Variants in SEL1L observed in about 807,000 individuals in gnomAD.
SEL1L encodes the protein protein sel-1 homolog 1.
SEL1L carries 52 observed loss-of-function variants against 109.8 expected under a neutral mutation model. The observed-to-expected ratio is 0.47, with a 90% CI of 0.38 to 0.60. The LOEUF (loss-of-function observed/expected upper bound fraction) is 0.60. Ranked by LOEUF, SEL1L falls within the 20% of genes least tolerant of loss-of-function variation. The pLI, the probability that SEL1L is intolerant of heterozygous loss-of-function variation, is 0.00. For synonymous variants in SEL1L, 373 were observed against 339.6 expected (o/e 1.10, Z -1.08); for missense variants, 749 against 962.2 (o/e 0.78, Z 2.93).
chr14:81,483,657 GTAAT>G (rs1903428138), intron 19 of SEL1L, among the ~76,000 whole-genome samples: 1 of 152,084 alleles, frequency 6.6e-6, no homozygotes, highest in African/African-American at 2.4e-5. Context: ...TATTTTAAGG[GTAAT>G]TAATTTTATT....
chr14:81,526,632 T>TA (rs1485589915), intron 3 of SEL1L, 101 bp downstream of exon 3: 1 of 839,752 alleles, frequency 1.2e-6, no homozygotes, highest in Non-Finnish European at 2.0e-6. Flanking sequence ...TTGTGGGTAA[T>TA]AATCAGTGAA....
At chr14:81,504,173 G>A in intron 5 of SEL1L, 28 bp downstream of exon 5, 1 of 1,401,080 alleles carries the variant, frequency 7.1e-7, no homozygotes, top group Non-Finnish European at 9.8e-7. Context: ...TGTCATGGGG[G>A]AAAAGTGGAC....
At chr14:81,487,345 G>A in intron 16 of SEL1L, 45 bp downstream of exon 16, 1 of 1,515,128 alleles carries the variant, frequency 6.6e-7, no homozygotes, top group African/African-American at 1.4e-5. Flanking sequence ...CTTTCCTGCT[G>A]GGCAAATCAA....
intron 3 of SEL1L, among the ~76,000 whole-genome samples, chr14:81,511,474 G>A (rs751724422): frequency 1.5e-4 from 23 of 152,208 alleles, no homozygotes; most frequent in African/African-American, 2.7e-4. Flanking sequence ...TTAAAGACAC[G>A]TGAGTTTTCA....
intron 3 of SEL1L, among the ~76,000 whole-genome samples, chr14:81,511,933 A>G (rs138440741): frequency 1.3e-5 from 2 of 152,234 alleles, no homozygotes; most frequent in African/African-American, 4.8e-5. Flanking sequence ...ATCTTTACCT[A>G]TCACTTCAAG....
At chr14:81,528,124 C>T (rs1885183165) in intron 1 of SEL1L, among the ~76,000 whole-genome samples, 1 of 152,164 alleles carries the variant, frequency 6.6e-6, no homozygotes, top group South Asian at 2.1e-4. Flanking sequence ...ATACTCCGGG[C>T]TTCCACCTAT....
In SEL1L at chr14:81,487,381, A is replaced by G. The variant is rs758927109; in HGVS notation, c.1632+9T>C. On this transcript the variant is annotated intron_variant, in intron 16 of 20. Transcript: ENST00000336735. ...CTCCCTACACACAAGCTGGTAGGAA[A>G]GACCTTACCTCCACTGCAGTGTGAC... is the stretch of plus-strand genomic sequence containing the variant. The G allele has an allele frequency of 1.3e-6, 2 of 1,562,214 alleles. No homozygotes were observed. The highest frequency in any genetic ancestry group is 2.4e-5 in the South Asian group (2 of 83,076).
At position 81,480,132 on chromosome 14, in the gene SEL1L, TC is replaced by T. The variant is rs1262743260; in HGVS notation, c.2047-393del. The stretch of plus-strand genomic sequence containing the variant: ...TGGTTTCAGTTCTGGACAGTGATCT[TC>T]AAAGTGGGGTAGAAACACTCAAGAT... On this transcript the variant is annotated intron_variant, in intron 19 of 20. Transcript: ENST00000336735. Among the ~76,000 whole-genome samples, 650 of 152,260 alleles carry T rather than the reference TC, an allele frequency of 4.3e-3. 6 individuals are homozygous for T. Among genetic ancestry groups the T allele is most frequent in the African/African-American group, 0.015 (628 of 41,560 alleles).
At chr14:81,509,451 T>A (rs1884374915) in intron 3 of SEL1L, among the ~76,000 whole-genome samples, 1 of 152,184 alleles carries the variant, frequency 6.6e-6, no homozygotes, top group South Asian at 2.1e-4. Flanking sequence ...AAAATTCACA[T>A]TTTCTAGGTA....
At chr14:81,481,228 A>C (rs1903347142) in intron 19 of SEL1L, among the ~76,000 whole-genome samples, 1 of 152,192 alleles carries the variant, frequency 6.6e-6, no homozygotes, top group Non-Finnish European at 1.5e-5. Context: ...TCACTTAAAA[A>C]TCTCACTTCT....
rs376433201 is a variant in SEL1L, at chr14:81,512,981, G to A, written c.341-6740C>T. On this transcript the variant is annotated intron_variant, in intron 3 of 20. Coordinates refer to ENST00000336735, the MANE Select transcript of SEL1L (RefSeq NM_005065.6). ...GGAAGGGTTCCCACTGAGAGGTGAAGCCAGCTGGGCTTCTGGGTCAGGTGG... is the reference window on the plus strand; with the variant it reads ...GGAAGGGTTCCCACTGAGAGGTGAAACCAGCTGGGCTTCTGGGTCAGGTGG... Among the ~76,000 whole-genome samples, 27 of 152,338 alleles carry A rather than the reference G, an allele frequency of 1.8e-4. No homozygotes were observed. The East Asian group carries it at 3.5e-3, about 20-fold the overall frequency.
At chr14:81,527,438 T>C (rs1431929435) in intron 2 of SEL1L, among the ~76,000 whole-genome samples, 4 of 146,662 alleles carry the variant, frequency 2.7e-5, no homozygotes, top group Admixed American at 6.8e-5. Flanking sequence ...TCTTCAAACT[T>C]ACACACACAC....
intron 6 of SEL1L, among the ~76,000 whole-genome samples, 171 bp from the exon 7 acceptor site, chr14:81,499,833 CAG>C (rs1409294777): frequency 1.3e-5 from 2 of 149,970 alleles, no homozygotes; most frequent in African/African-American, 4.9e-5. Flanking sequence ...GAAAAGCATT[CAG>C]AGTTTTACAC....
At chr14:81,514,542 G>C (rs1302140068) in intron 3 of SEL1L, among the ~76,000 whole-genome samples, 2 of 152,200 alleles carry the variant, frequency 1.3e-5, no homozygotes, top group East Asian at 1.9e-4. Flanking sequence ...AGGATTTTGA[G>C]AATGCGTTGG....
Position 81,484,230 on chromosome 14 carries a change from T to C in SEL1L, c.2041A>G (p.Lys681Glu). The C allele has an allele frequency of 1.2e-6, 2 of 1,608,196 alleles. No homozygotes were observed. The highest frequency in any genetic ancestry group is 2.7e-5 in the African/African-American group (2 of 74,994). The change falls in exon 19 of 21, where the codon AAA becomes GAA. Residue 681 changes from lysine (K) to glutamate (E), a missense_variant. By Grantham distance (56) the Lys-to-Glu change is moderately conservative. This residue lies in a region of SEL1L where 383 missense variants were observed against 562.5 expected (regional missense o/e 0.68). Transcript: ENST00000336735. Reference protein sequence around the residue: ...GYMHEKGLGIKQDIHLAKRFY... With the variant: ...GYMHEKGLGIEQDIHLAKRFY... ...TGTTTGGAAGCCACACTCACCTGTT[T>C]AATGCCCAGTCCTTTCTCATGCATA...
intron 6 of SEL1L, among the ~76,000 whole-genome samples, chr14:81,502,244 CTAATA>C (rs1341319425): frequency 2.6e-5 from 4 of 152,120 alleles, no homozygotes; most frequent in Admixed American, 6.5e-5. Flanking sequence ...TGCATGCACA[CTAATA>C]TATTATTACT....
rs11846992 is a variant in SEL1L, at chr14:81,476,867, C to G, written c.*105G>C. ...AATTCAATGCTTCCTTGTGCCGTGC[C>G]TCTTCTGGGAGGTGACCACTGATCC... is the stretch of plus-strand genomic sequence containing the variant. On this transcript the variant is annotated 3_prime_UTR_variant, in exon 21 of 21. Transcript: ENST00000336735. 3 of 1,119,148 alleles carry G rather than the reference C, an allele frequency of 2.7e-6. No individual in the cohort carries two copies. Among genetic ancestry groups the G allele is most frequent in the Non-Finnish European group, 3.8e-6 (3 of 787,330 alleles). The allele number at this position is 1,119,148 out of a possible 1,614,324, so 69.3% of individuals were successfully genotyped here.
chr14:81,489,162 C>A (rs1343812850), intron 14 of SEL1L, 90 bp downstream of exon 14: 2 of 1,162,606 alleles, frequency 1.7e-6, no homozygotes, highest in Non-Finnish European at 2.6e-6. Context: ...AACAGCCCCA[C>A]CTGGGCTGAC....
intron 3 of SEL1L, among the ~76,000 whole-genome samples, 180 bp downstream of exon 3, chr14:81,526,553 T>C (rs1247290803): frequency 6.6e-6 from 1 of 152,250 alleles, no homozygotes; most frequent in African/African-American, 2.4e-5. Flanking sequence ...TTGGGTCAAA[T>C]CTGTTAAGTG....
Sources: gnomAD v4.1 joint callset for allele counts (sites outside exome capture counted in the v4.1 genomes callset) on GRCh38, gnomAD v4.1.1 for gene constraint, gnomAD v4.1.1 regional missense constraint, MANE v1.5 for transcripts, NCBI Gene and HGNC (gene_info 2026-07-23, HGNC 2026-07-21) for gene names.